Variants in PLB1 observed in about 807,000 individuals in gnomAD.
The protein encoded by PLB1 is phospholipase B1.
A neutral mutation model predicts 227.4 loss-of-function variants in PLB1; 242 were observed. The ratio of observed to expected loss-of-function variants is 1.06; its 90% confidence interval spans 0.96 to 1.18. The LOEUF is 1.18. PLB1 is among the 50% of genes most tolerant of loss of function. PLB1 has a pLI of 0.00. For synonymous variants in PLB1, 757 were observed against 682.2 expected (o/e 1.11, Z -1.71); for missense variants, 1,858 against 1,816.3 (o/e 1.02, Z -0.42).
chr2:28,578,486 T>G (rs1311824189), intron 22 of PLB1, among the ~76,000 whole-genome samples: 1 of 151,986 alleles, frequency 6.6e-6, no homozygotes, highest in East Asian at 1.9e-4. Context: ...GAAAGGGCTC[T>G]GTATAAGACA....
Position 28,543,198 on chromosome 2 carries a change from T to C in PLB1, c.880-14T>C. On this transcript the variant is annotated splice_polypyrimidine_tract_variant and intron_variant, in intron 13 of 57. Coordinates refer to ENST00000327757, the MANE Select transcript of PLB1 (RefSeq NM_153021.5). ...GGAGACAAAAGGTCCCGCTGTCAAC[T>C]GGTTCTCTTTTAGGAGGACCCCCGA... 2 of 1,605,068 alleles carry C rather than the reference T, an allele frequency of 1.2e-6. No individual in the cohort carries two copies. Among genetic ancestry groups the C allele is most frequent in the Non-Finnish European group, 1.7e-6 (2 of 1,176,060 alleles).
intron 11 of PLB1, 60 bp from the exon 12 acceptor site, chr2:28,540,306 A>G (rs1672301740): frequency 1.4e-6 from 2 of 1,443,666 alleles, no homozygotes; most frequent in Non-Finnish European, 9.7e-7. Context: ...GGCTGGATGC[A>G]TCCCCTTCCC....
rs1162224388 is a variant in PLB1 at position 28,631,167 on chromosome 2, GAAAA to G, written c.3897+507_3897+510del. On this transcript the variant is annotated intron_variant, in intron 54 of 57. Transcript: ENST00000327757. ...GACCCTATCTCAAAAAAAAAAAAAA[GAAAA>G]AAAGAAAAAGGCTTAGCCCTGCCCT... 1.2e-4 allele frequency among the ~76,000 whole-genome samples: 18 copies of G among 144,252 alleles called. No homozygotes were observed. In the South Asian group the frequency reaches 3.5e-3, roughly 28 times the overall value. 94.6% of individuals were successfully genotyped at this position (144,252 alleles called of 152,430 possible). A position where few individuals can be genotyped will look rare whatever the true frequency, so the allele number is the denominator to read the frequency against.
chr2:28,604,645 G>T lies in PLB1; in HGVS notation c.2857-10G>T. Reference sequence around the variant, plus strand: ...GGCCTGGGCTGAAGACCCTGTGCATGTGTCCCCAGAGCAGCATGCGCGAGC... The same window carrying T: ...GGCCTGGGCTGAAGACCCTGTGCATTTGTCCCCAGAGCAGCATGCGCGAGC... On this transcript the variant is annotated splice_polypyrimidine_tract_variant and intron_variant, in intron 40 of 57. Transcript: ENST00000327757. 1 of 1,613,014 alleles carries T rather than the reference G, an allele frequency of 6.2e-7. No individual in the cohort carries two copies. The highest frequency in any genetic ancestry group is 8.5e-7 in the Non-Finnish European group (1 of 1,179,172).
intron 36 of PLB1, 142 bp from the exon 37 acceptor site, chr2:28,601,110 T>C: frequency 2.6e-6 from 2 of 781,476 alleles, no homozygotes; most frequent in Non-Finnish European, 4.2e-6. Flanking sequence ...AATAAACCTC[T>C]AAAATTCCTT....
chr2:28,582,208 A>C, intron 24 of PLB1, 75 bp downstream of exon 24: 1 of 1,508,638 alleles, frequency 6.6e-7, no homozygotes, highest in Non-Finnish European at 9.2e-7. Flanking sequence ...CATCCTGCTG[A>C]GACCTCCTTG....
At chr2:28,573,359 G>A (rs1269194742) in intron 21 of PLB1, 54 bp downstream of exon 21, 13 of 1,406,394 alleles carry the variant, frequency 9.2e-6, no homozygotes, top group Non-Finnish European at 1.3e-5. Context: ...AGGACCAGGG[G>A]TGGGCTTGGC....
At chr2:28,556,581 G>C (rs972074193) in intron 17 of PLB1, among the ~76,000 whole-genome samples, 1 of 152,118 alleles carries the variant, frequency 6.6e-6, no homozygotes, top group Non-Finnish European at 1.5e-5. Context: ...CCCTAACATA[G>C]TTAGCATAAC....
intron 46 of PLB1, among the ~76,000 whole-genome samples, chr2:28,619,519 G>GGTTTT (rs1553459984): frequency 8.0e-6 from 1 of 124,610 alleles, no homozygotes; most frequent in African/African-American, 3.2e-5. Flanking sequence ...AAATTTCAAG[G>GGTTTT]TTTTGTTTTT....
At chr2:28,617,855 T>G in intron 45 of PLB1, 68 bp downstream of exon 45, 1 of 1,449,084 alleles carries the variant, frequency 6.9e-7, no homozygotes, top group Non-Finnish European at 9.7e-7. Context: ...GGGGAGACCC[T>G]GCAAACATAC....
At chr2:28,535,611 G>A (rs1342242747) in intron 9 of PLB1, among the ~76,000 whole-genome samples, 1 of 152,122 alleles carries the variant, frequency 6.6e-6, no homozygotes, top group African/African-American at 2.4e-5. Context: ...GCTCTCCCTC[G>A]GTGGTTGTAA....
At chr2:28,513,985 G>T (rs576785900) in intron 1 of PLB1, among the ~76,000 whole-genome samples, 1 of 152,250 alleles carries the variant, frequency 6.6e-6, no homozygotes, top group South Asian at 2.1e-4. Context: ...CATAATTAAT[G>T]TATTTCAACA....
chr2:28,574,351 C>T (rs1442446116), intron 21 of PLB1, among the ~76,000 whole-genome samples: 1 of 108,602 alleles, frequency 9.2e-6, no homozygotes, highest in African/African-American at 3.5e-5. Context: ...CCCCACCCTT[C>T]CTCTCTGAGT....
At chr2:28,538,816 C>T (rs927562527) in intron 10 of PLB1, among the ~76,000 whole-genome samples, 3 of 152,282 alleles carry the variant, frequency 2.0e-5, no homozygotes, top group Middle Eastern at 3.4e-3. Flanking sequence ...GAGGAGGCTG[C>T]AGGCCCATAG....
chr2:28,628,516 CAG>C (rs2148336497), intron 51 of PLB1, 45 bp from the exon 52 acceptor site: 2 of 1,562,984 alleles, frequency 1.3e-6, no homozygotes. Flanking sequence ...GCCATTCTCT[CAG>C]AGCGGGCACC....
chr2:28,546,550 G>A (rs1673293534), intron 14 of PLB1, among the ~76,000 whole-genome samples: 1 of 152,140 alleles, frequency 6.6e-6, no homozygotes, highest in Non-Finnish European at 1.5e-5. Flanking sequence ...GGAGTAAATA[G>A]CACATGTGCA....
At chr2:28,575,467 C>G (rs1029363368) in intron 21 of PLB1, among the ~76,000 whole-genome samples, 1 of 152,164 alleles carries the variant, frequency 6.6e-6, no homozygotes, top group Non-Finnish European at 1.5e-5. Context: ...TTCCAGCTCT[C>G]AGCACCATCC....
At chr2:28,596,974 T>C (rs112461362) in intron 33 of PLB1, among the ~76,000 whole-genome samples, 11 of 152,296 alleles carry the variant, frequency 7.2e-5, no homozygotes, top group South Asian at 6.2e-4. Flanking sequence ...TTAAAATCCA[T>C]TGGCCTGGGC....
chr2:28,511,765 T>C (rs1668282429), intron 1 of PLB1, among the ~76,000 whole-genome samples: 1 of 151,934 alleles, frequency 6.6e-6, no homozygotes, highest in Admixed American at 6.6e-5. Context: ...GTGGGAGGTT[T>C]GGGAAGTTTT....
Sources: gnomAD v4.1 joint callset for allele counts (sites outside exome capture counted in the v4.1 genomes callset) on GRCh38, gnomAD v4.1.1 for gene constraint, MANE v1.5 for transcripts, NCBI Gene and HGNC (gene_info 2026-07-23, HGNC 2026-07-21) for gene names.